The following DYRK4 variants were observed in gnomAD, a reference collection of about 807,000 sequenced individuals.
The protein encoded by DYRK4 is dual specificity tyrosine phosphorylation regulated kinase 4.
A neutral mutation model predicts 68.3 loss-of-function variants in DYRK4; 64 were observed. The ratio of observed to expected loss-of-function variants is 0.94; its 90% CI spans 0.77 to 1.15. The LOEUF is 1.15. Among genes scored for constraint, DYRK4 ranks in the 50% most tolerant of loss-of-function variants. DYRK4 has a pLI of 0.00. For missense variants in DYRK4, 740 were observed against 764.7 expected (o/e 0.97, Z 0.38); for synonymous variants, 274 against 289.9 (o/e 0.95, Z 0.56).
At chr12:4,596,043 C>T in intron 6 of DYRK4, 106 bp from the exon 7 acceptor site, 2 of 1,238,698 alleles carry the variant, frequency 1.6e-6, no homozygotes, top group Middle Eastern at 2.8e-4. Context: ...TTAGAAAATT[C>T]CTCCAGGAGT....
chr12:4,604,252 A>T (rs1945114265), intron 10 of DYRK4, among the ~76,000 whole-genome samples: 1 of 152,214 alleles, frequency 6.6e-6, no homozygotes, highest in Non-Finnish European at 1.5e-5. Context: ...GCAGGATATA[A>T]ACATTATTTT....
At chr12:4,606,028 T>C (rs1055855176) in intron 11 of DYRK4, among the ~76,000 whole-genome samples, 2 of 152,232 alleles carry the variant, frequency 1.3e-5, no homozygotes, top group Non-Finnish European at 2.9e-5. Context: ...GACTTCAAAG[T>C]ATGTGTATTG....
chr12:4,610,065 A>G, intron 12 of DYRK4, 90 bp from the exon 13 acceptor site: 1 of 1,199,718 alleles, frequency 8.3e-7, no homozygotes, highest in Non-Finnish European at 1.1e-6. Flanking sequence ...AGAGAGCAAA[A>G]GAGCTACAGA....
At chr12:4,584,875 A>T (rs1253452562) in intron 2 of DYRK4, among the ~76,000 whole-genome samples, 6 of 152,054 alleles carry the variant, frequency 3.9e-5, no homozygotes, top group African/African-American at 1.4e-4. Flanking sequence ...TTTTAAGCTG[A>T]ACTCAGTTTC....
At chr12:4,607,128 TTAGGATATGAA>T (rs1169627414) in intron 11 of DYRK4, among the ~76,000 whole-genome samples, 188 bp from the exon 12 acceptor site, 3 of 152,208 alleles carry the variant, frequency 2.0e-5, no homozygotes, top group African/African-American at 7.2e-5. Flanking sequence ...GTGTTGATTC[TTAGGATATGAA>T]ACCAGCCCTG....
At position 4,596,614 on chromosome 12, in the gene DYRK4, C is replaced by T. The variant is rs748148722; in HGVS notation, c.790C>T (p.Leu264=). 24 of 1,614,100 alleles carry T rather than the reference C, an allele frequency of 1.5e-5. No individual in the cohort carries two copies. The Admixed American group carries it at 4.0e-4, about 27-fold the overall frequency. The part of the protein sequence containing the change: ...KRFHQQALME[L]KILEALRKKD... ...GTTTCACCAGCAGGCCCTGATGGAG[C>T]TGAAGATCCTGGAAGCTCTCAGAAA... The change falls in exon 8 of 15, where the codon CTG becomes TTG. Residue 264 remains leucine, a synonymous_variant. Coordinates refer to ENST00000543431, the MANE Select transcript of DYRK4 (RefSeq NM_001394779.1).
At chr12:4,569,785 T>C (rs1428633154) in intron 2 of DYRK4, among the ~76,000 whole-genome samples, 7 of 152,078 alleles carry the variant, frequency 4.6e-5, no homozygotes, top group Non-Finnish European at 1.5e-5. Flanking sequence ...AACCACTCTC[T>C]TCCACGCCTC....
intron 2 of DYRK4, among the ~76,000 whole-genome samples, chr12:4,587,647 C>T (rs980493876): frequency 1.3e-5 from 2 of 152,162 alleles, no homozygotes; most frequent in Non-Finnish European, 2.9e-5. Context: ...AGCACATTAG[C>T]GAATTAACGT....
At chr12:4,588,904 A>G in intron 2 of DYRK4, 33 bp from the exon 3 acceptor site, 1 of 1,529,852 alleles carries the variant, frequency 6.5e-7, no homozygotes, top group Admixed American at 2.0e-5. Flanking sequence ...AGCCATGCCA[A>G]GCATTGTTCC....
chr12:4,574,325 T>C (rs143291911), intron 2 of DYRK4, among the ~76,000 whole-genome samples: 132 of 152,120 alleles, frequency 8.7e-4, no homozygotes, highest in Admixed American at 2.0e-3. Context: ...ATAACTACTC[T>C]CTTGAGTTTT....
At chr12:4,606,938 C>T (rs766515032) in intron 11 of DYRK4, among the ~76,000 whole-genome samples, 5 of 152,210 alleles carry the variant, frequency 3.3e-5, no homozygotes, top group Admixed American at 2.0e-4. Flanking sequence ...GATGCTCATC[C>T]GGTGATTTTC....
intron 2 of DYRK4, among the ~76,000 whole-genome samples, chr12:4,586,885 C>CAT (rs949263059): frequency 6.6e-6 from 1 of 152,204 alleles, no homozygotes; most frequent in Admixed American, 6.5e-5. Flanking sequence ...GCACTTTACA[C>CAT]ATATTAACTC....
chr12:4,610,400 C>T (rs1233904911), intron 13 of DYRK4, 116 bp downstream of exon 13: 5 of 1,100,168 alleles, frequency 4.5e-6, no homozygotes, highest in Non-Finnish European at 6.3e-6. Flanking sequence ...ACAAGAAATG[C>T]TAACAATAGA....
chr12:4,563,666 G>C (rs372849387), intron 1 of DYRK4, among the ~76,000 whole-genome samples: 1 of 152,208 alleles, frequency 6.6e-6, no homozygotes, highest in African/African-American at 2.4e-5. Flanking sequence ...TCTCTGTCAG[G>C]CCTGGGTGTG....
chr12:4,585,724 A>G (rs1157797514), intron 2 of DYRK4, among the ~76,000 whole-genome samples: 1 of 152,262 alleles, frequency 6.6e-6, no homozygotes, highest in African/African-American at 2.4e-5. Flanking sequence ...AAATGTATAC[A>G]TATGTAACAA....
intron 3 of DYRK4, 37 bp downstream of exon 3, chr12:4,589,054 G>C: frequency 1.3e-6 from 2 of 1,528,400 alleles, no homozygotes; most frequent in Non-Finnish European, 1.8e-6. Context: ...CTCTAGGAGA[G>C]AATGAGGAGA....
chr12:4,589,694 G>T (rs112868839), intron 3 of DYRK4, among the ~76,000 whole-genome samples: 2 of 152,140 alleles, frequency 1.3e-5, no homozygotes. Flanking sequence ...ATTCCATTGT[G>T]TTTAAGTATC....
At chr12:4,576,222 C>A (rs2137333210) in intron 2 of DYRK4, among the ~76,000 whole-genome samples, 1 of 152,326 alleles carries the variant, frequency 6.6e-6, no homozygotes, top group East Asian at 1.9e-4. Context: ...ACTCTTTATA[C>A]TGTCTCCTTA....
At chr12:4,599,584 G>A in intron 9 of DYRK4, 123 bp from the exon 10 acceptor site, 1 of 680,662 alleles carries the variant, frequency 1.5e-6, no homozygotes, top group Non-Finnish European at 2.5e-6. Flanking sequence ...GAGAGGATGT[G>A]GGAGGATGCC....
Sources: allele counts gnomAD v4.1 joint callset (sites outside exome capture counted in the v4.1 genomes callset), GRCh38; gene constraint gnomAD v4.1.1; transcripts MANE v1.5; gene names NCBI Gene and HGNC (gene_info 2026-07-23, HGNC 2026-07-21).